The following MCU variants were observed in gnomAD, a reference collection of about 807,000 sequenced individuals.
MCU encodes calcium uniporter protein, mitochondrial.
A neutral mutation model predicts 45.2 loss-of-function variants in MCU; 12 were observed. That is an observed-to-expected ratio of 0.27 (90% CI 0.17 to 0.43). The LOEUF (loss-of-function observed/expected upper bound fraction) is 0.43, where lower values mean the gene tolerates loss of function less well. MCU is among the 20% of genes least tolerant of loss of function. MCU has a pLI of 1.00. For synonymous variants in MCU, 160 were observed against 165.1 expected (o/e 0.97, Z 0.24); for missense variants, 324 against 436.7 (o/e 0.74, Z 2.30).
chr10:72,798,322 C>T (rs1046510266), intron 1 of MCU, among the ~76,000 whole-genome samples: 9 of 152,288 alleles, frequency 5.9e-5, no homozygotes, highest in Non-Finnish European at 1.3e-4. Flanking sequence ...GATGGAGTCT[C>T]GCTCTGTTGC....
At chr10:72,813,778 T>C (rs558065130) in intron 1 of MCU, among the ~76,000 whole-genome samples, 79 of 150,518 alleles carry the variant, frequency 5.2e-4, no homozygotes, top group Non-Finnish European at 1.0e-3. Context: ...TCTCTTGATG[T>C]CTGCACTATG....
At chr10:72,878,017 A>T (rs1845642471) in intron 6 of MCU, among the ~76,000 whole-genome samples, 1 of 150,754 alleles carries the variant, frequency 6.6e-6, no homozygotes, top group South Asian at 2.1e-4. Flanking sequence ...CCGAGTGCTG[A>T]TGCTCACAGG....
chr10:72,871,147 G>A (rs901055948), intron 5 of MCU, among the ~76,000 whole-genome samples: 1 of 152,110 alleles, frequency 6.6e-6, no homozygotes, highest in Admixed American at 6.5e-5. Context: ...CAAGCTTCCC[G>A]CCTTGGCCTA....
intron 1 of MCU, chr10:72,693,179 T>C: frequency 8.4e-6 from 7 of 831,458 alleles, no homozygotes; most frequent in Non-Finnish European, 1.3e-5. Context: ...GGTGAGTGTG[T>C]GTGTGTGTGT....
At chr10:72,764,064 CCTT>C (rs1459232102) in intron 1 of MCU, among the ~76,000 whole-genome samples, 1 of 152,110 alleles carries the variant, frequency 6.6e-6, no homozygotes, top group Non-Finnish European at 1.5e-5. Flanking sequence ...TTATATTTTC[CCTT>C]CTTAGGAGCT....
intron 2 of MCU, among the ~76,000 whole-genome samples, chr10:72,838,342 G>C (rs1358937251): frequency 6.6e-6 from 1 of 152,078 alleles, no homozygotes; most frequent in Non-Finnish European, 1.5e-5. Flanking sequence ...GGCCAGGCAT[G>C]GTGGCTCATG....
intron 1 of MCU, among the ~76,000 whole-genome samples, chr10:72,815,763 A>G (rs1844615953): frequency 6.6e-6 from 1 of 152,228 alleles, no homozygotes; most frequent in South Asian, 2.1e-4. Flanking sequence ...AAGATTAATC[A>G]AAGAATTCAG....
chr10:72,713,792 TCTGAAACTAGTGAAAGC>T (rs1163509414), intron 1 of MCU, among the ~76,000 whole-genome samples: 1 of 152,178 alleles, frequency 6.6e-6, no homozygotes, highest in African/African-American at 2.4e-5. Flanking sequence ...TAAACTTGTT[TCTGAAACTAGTGAAAGC>T]CTGAAACTAG....
intron 1 of MCU, among the ~76,000 whole-genome samples, chr10:72,771,055 A>G (rs1843799492): frequency 6.6e-6 from 1 of 152,108 alleles, no homozygotes; most frequent in Admixed American, 6.6e-5. Context: ...GTTTTTAAAA[A>G]ATTATTATTA....
In MCU at chr10:72,815,436, C is replaced by A. The variant is rs114371278; in HGVS notation, c.151-18923C>A. ...TGGCCCAGGAATAATTGATATAGAA[C>A]AATTGATATCGAGGCATATTTTGGT... On this transcript the variant is annotated intron_variant, in intron 1 of 7. Coordinates refer to ENST00000373053, the MANE Select transcript of MCU (RefSeq NM_138357.3). 4.8e-3 allele frequency among the ~76,000 whole-genome samples: 729 copies of A among 152,216 alleles called. 4 individuals are homozygous for A. Among genetic ancestry groups the A allele is most frequent in the African/African-American group, 0.017 (700 of 41,540 alleles).
At chr10:72,789,838 C>A (rs1844131589) in intron 1 of MCU, among the ~76,000 whole-genome samples, 1 of 152,176 alleles carries the variant, frequency 6.6e-6, no homozygotes, top group South Asian at 2.1e-4. Flanking sequence ...TACTTTCTGG[C>A]ATGAAAGTAG....
At chr10:72,808,527 G>T (rs1275781574) in intron 1 of MCU, among the ~76,000 whole-genome samples, 8 of 152,210 alleles carry the variant, frequency 5.3e-5, no homozygotes, top group Non-Finnish European at 1.2e-4. Context: ...AGGTCATCTT[G>T]TAGAAGGAAG....
At chr10:72,764,823 G>A (rs538395949) in intron 1 of MCU, among the ~76,000 whole-genome samples, 1 of 152,206 alleles carries the variant, frequency 6.6e-6, no homozygotes, top group South Asian at 2.1e-4. Flanking sequence ...TCAGGGAATG[G>A]TCTGAATTTC....
At chr10:72,841,586 C>T (rs1275497663) in intron 2 of MCU, among the ~76,000 whole-genome samples, 2 of 152,194 alleles carry the variant, frequency 1.3e-5, no homozygotes, top group African/African-American at 4.8e-5. Context: ...GCGTGAACCA[C>T]CGCGCCTGAC....
chr10:72,745,424 T>G (rs964091927), intron 1 of MCU, among the ~76,000 whole-genome samples: 3 of 152,156 alleles, frequency 2.0e-5, no homozygotes, highest in Admixed American at 2.0e-4. Flanking sequence ...AAACAGCGTT[T>G]CACCATGTTA....
At chr10:72,858,215 T>C (rs1845322221) in intron 2 of MCU, among the ~76,000 whole-genome samples, 1 of 152,162 alleles carries the variant, frequency 6.6e-6, no homozygotes, top group African/African-American at 2.4e-5. Context: ...GGAGAGGCCA[T>C]GCATATTTAT....
chr10:72,802,391 C>T (rs894101994), intron 1 of MCU, among the ~76,000 whole-genome samples: 2 of 147,718 alleles, frequency 1.4e-5, no homozygotes, highest in Non-Finnish European at 1.5e-5. Flanking sequence ...TATAAATGAG[C>T]GCTGTTTGAG....
intron 2 of MCU, among the ~76,000 whole-genome samples, chr10:72,853,209 A>G (rs1457441254): frequency 6.6e-6 from 1 of 152,220 alleles, no homozygotes; most frequent in African/African-American, 2.4e-5. Context: ...GAGATAATGG[A>G]ATAAACAGCC....
At chr10:72,780,683 C>T (rs1335453809) in intron 1 of MCU, among the ~76,000 whole-genome samples, 1 of 152,102 alleles carries the variant, frequency 6.6e-6, no homozygotes, top group African/African-American at 2.4e-5. Context: ...GAGCTTCTCT[C>T]CTGCTGCCCT....
Sources: allele counts gnomAD v4.1 joint callset (sites outside exome capture counted in the v4.1 genomes callset), GRCh38; gene constraint gnomAD v4.1.1; transcripts MANE v1.5; gene names NCBI Gene and HGNC (gene_info 2026-07-23, HGNC 2026-07-21).